Variants in MFAP3 observed in about 807,000 individuals in gnomAD.
MFAP3 encodes the protein microfibril associated protein 3.
Under a neutral mutation model 20.5 loss-of-function variants are expected in MFAP3, and 8 were observed. That is an observed-to-expected ratio of 0.39 (90% confidence interval 0.23 to 0.70). The LOEUF is 0.70. Ranked by LOEUF, MFAP3 falls within the 30% of genes least tolerant of loss-of-function variation. The pLI is 0.44. For synonymous variants in MFAP3, 140 were observed against 154.0 expected (o/e 0.91, Z 0.67); for missense variants, 398 against 444.6 (o/e 0.90, Z 0.94).
chr5:154,050,129 T>G (rs956381397), intron 2 of MFAP3, 112 bp downstream of exon 2: 3 of 1,215,702 alleles, frequency 2.5e-6, no homozygotes, highest in Admixed American at 5.2e-5. Context: ...GTGAATAGTT[T>G]AAAACATTTG....
At chr5:154,046,414 T>C (rs1475149628) in intron 1 of MFAP3, among the ~76,000 whole-genome samples, 1 of 152,208 alleles carries the variant, frequency 6.6e-6, no homozygotes, top group Non-Finnish European at 1.5e-5. Flanking sequence ...GAGCATGTGC[T>C]AGTTATGACG....
At chr5:154,041,218 A>C (rs1460580968) in intron 1 of MFAP3, among the ~76,000 whole-genome samples, 2 of 152,104 alleles carry the variant, frequency 1.3e-5, no homozygotes, top group Admixed American at 1.3e-4. Context: ...TATTATAGAG[A>C]GGGTACAGTT....
chr5:154,052,250 T>C (rs1474098815), intron 2 of MFAP3, among the ~76,000 whole-genome samples: 2 of 152,014 alleles, frequency 1.3e-5, no homozygotes, highest in Non-Finnish European at 2.9e-5. Flanking sequence ...ACTTGTGAGA[T>C]GTATTTTTTG....
Position 154,053,339 on chromosome 5 carries a change from G to A in MFAP3, c.715G>A (p.Val239Ile). ...ARYIEELARS[V>I]PLPPLILNCR... ...TTATATTGAAGAACTGGCAAGAAGTGTCCCTCTTCCACCTCTTATTCTAAA... is the reference window on the plus strand; with the variant it reads ...TTATATTGAAGAACTGGCAAGAAGTATCCCTCTTCCACCTCTTATTCTAAA... The change falls in exon 3 of 3, where the codon GTC becomes ATC. Residue 239 changes from valine (V) to isoleucine (I), a missense_variant. By Grantham distance (29) the Val-to-Ile change is conservative. Coordinates refer to ENST00000522782, the MANE Select transcript of MFAP3 (RefSeq NM_005927.5). 1 of 1,614,032 alleles carries A rather than the reference G, an allele frequency of 6.2e-7. No individual in the cohort carries two copies.
At position 154,057,095 on chromosome 5, in the gene MFAP3, G is replaced by A. The variant is rs553761251; in HGVS notation, c.*3382G>A. 2.0e-5 allele frequency among the ~76,000 whole-genome samples: 3 copies of A among 152,296 alleles called. No individual in the cohort carries two copies. In the East Asian group the frequency reaches 5.8e-4, roughly 29 times the overall value. On this transcript the variant is annotated 3_prime_UTR_variant, in exon 3 of 3. Coordinates refer to ENST00000522782, the MANE Select transcript of MFAP3 (RefSeq NM_005927.5). ...CTCTTGGGTCCCAGATGGCACAGGA[G>A]CACTGCATGCTTGTTTTCTAGAGCC...
intron 1 of MFAP3, among the ~76,000 whole-genome samples, chr5:154,043,583 TA>T (rs1243364962): frequency 6.6e-6 from 1 of 151,692 alleles, no homozygotes; most frequent in Non-Finnish European, 1.5e-5. Flanking sequence ...GGAAAGGTAA[TA>T]AAAAATTTTA....
At position 154,055,296 on chromosome 5, in the gene MFAP3, A is replaced by C. The variant is rs1773301786; in HGVS notation, c.*1583A>C. On this transcript the variant is annotated 3_prime_UTR_variant, in exon 3 of 3. Coordinates refer to ENST00000522782, the MANE Select transcript of MFAP3 (RefSeq NM_005927.5). The stretch of plus-strand genomic sequence containing the variant: ...GGGAAGACAGGAAATTCAAAGCGTG[A>C]CGGGATAAAACTCATGCCTCCCTTT... 6.6e-6 allele frequency among the ~76,000 whole-genome samples: 1 copy of C among 152,196 alleles called. No homozygotes were observed.
At chr5:154,049,180 C>T (rs1200304129) in intron 1 of MFAP3, among the ~76,000 whole-genome samples, 1 of 152,206 alleles carries the variant, frequency 6.6e-6, no homozygotes, top group East Asian at 1.9e-4. Flanking sequence ...TTTTAGCCTT[C>T]ATTGGCTCCC....
rs897464964 is a variant in MFAP3, at chr5:154,056,618, T to C, written c.*2905T>C. On this transcript the variant is annotated 3_prime_UTR_variant, in exon 3 of 3. Transcript: ENST00000522782. ...TTGTAAATTTTGTCGTGTATTGTGA[T>C]ATAGTGAACCTTATTGTCCTTATGA... Among the ~76,000 whole-genome samples, 2 of 152,228 alleles carry C rather than the reference T, an allele frequency of 1.3e-5. No individual in the cohort carries two copies. The highest frequency in any genetic ancestry group is 2.9e-5 in the Non-Finnish European group (2 of 68,042).
chr5:154,051,987 G>GTT (rs879469835), intron 2 of MFAP3: 5,570 of 152,192 alleles, frequency 0.037, 261 homozygotes, highest in African/African-American at 0.1. Flanking sequence ...CATAGTTAAA[G>GTT]CACAGAGTGC....
At chr5:154,051,381 T>A (rs1773189446) in intron 2 of MFAP3, among the ~76,000 whole-genome samples, 1 of 152,226 alleles carries the variant, frequency 6.6e-6, no homozygotes, top group Non-Finnish European at 1.5e-5. Context: ...TTGCCTTTAC[T>A]TTGAAAACCA....
Position 154,055,147 on chromosome 5 carries a change from C to G in MFAP3, c.*1434C>G, listed in dbSNP as rs1171599172. On this transcript the variant is annotated 3_prime_UTR_variant, in exon 3 of 3. Coordinates refer to ENST00000522782, the MANE Select transcript of MFAP3 (RefSeq NM_005927.5). Reference sequence around the variant, plus strand: ...ATTTTAAGAACTTGGCAGTGGAGCTCCATTTGGGGCTTCACGTTTCTTCAT... The same window carrying G: ...ATTTTAAGAACTTGGCAGTGGAGCTGCATTTGGGGCTTCACGTTTCTTCAT... 1 of 167,028 alleles carries G rather than the reference C, an allele frequency of 6.0e-6. No homozygotes were observed. Among genetic ancestry groups the G allele is most frequent in the Non-Finnish European group, 1.5e-5 (1 of 68,100 alleles). 10.3% of individuals were successfully genotyped at this position (167,028 alleles called of 1,614,324 possible). A position where few individuals can be genotyped will look rare whatever the true frequency, so the allele number is the denominator to read the frequency against.
chr5:154,049,731 A>G lies in MFAP3; in HGVS notation c.9A>G (p.Leu3=), dbSNP rs1447495564. Residue 3 remains leucine (L), a synonymous_variant, in exon 2 of 3, where the codon CTA becomes CTG. Coordinates refer to ENST00000522782, the MANE Select transcript of MFAP3 (RefSeq NM_005927.5). Reference sequence around the variant, plus strand: ...TTTTGTCCCATTTTCCCATGAAGCTACATTGTTGCTTATTCACTTTAGTGG... The same window carrying G: ...TTTTGTCCCATTTTCCCATGAAGCTGCATTGTTGCTTATTCACTTTAGTGG... MK[L]HCCLFTLVAS... The G allele has an allele frequency of 6.2e-7, 1 of 1,612,204 alleles. No individual in the cohort carries two copies. Among genetic ancestry groups the G allele is most frequent in the Admixed American group, 1.7e-5 (1 of 59,908 alleles).
chr5:154,040,542 T>C (rs1442437231), intron 1 of MFAP3, among the ~76,000 whole-genome samples: 2 of 152,230 alleles, frequency 1.3e-5, no homozygotes, highest in African/African-American at 4.8e-5. Context: ...TTTGAAACAG[T>C]GTCAGGGACA....
intron 1 of MFAP3, among the ~76,000 whole-genome samples, chr5:154,042,479 A>C (rs1397253082): frequency 6.6e-6 from 1 of 152,204 alleles, no homozygotes; most frequent in Non-Finnish European, 1.5e-5. Flanking sequence ...TATAAAGGCT[A>C]TTTTAATTAG....
At chr5:154,040,072 G>A (rs1772887958) in intron 1 of MFAP3, among the ~76,000 whole-genome samples, 1 of 152,160 alleles carries the variant, frequency 6.6e-6, no homozygotes, top group Admixed American at 6.5e-5. Context: ...CATAGAATTT[G>A]GGGCTAAAGT....
Position 154,055,455 on chromosome 5 carries a change from C to A in MFAP3, c.*1742C>A, listed in dbSNP as rs919063963. Among the ~76,000 whole-genome samples the A allele has an allele frequency of 1.3e-5, 2 of 152,098 alleles. No homozygotes were observed. Among genetic ancestry groups the A allele is most frequent in the African/African-American group, 2.4e-5 (1 of 41,406 alleles). Reference sequence around the variant, plus strand: ...TCTCTCAGGCTGTTTCCATGGAAACCTCTAGAGCCAAATAAAAGCTAACCA... The same window carrying A: ...TCTCTCAGGCTGTTTCCATGGAAACATCTAGAGCCAAATAAAAGCTAACCA... On this transcript the variant is annotated 3_prime_UTR_variant, in exon 3 of 3. Coordinates refer to ENST00000522782, the MANE Select transcript of MFAP3 (RefSeq NM_005927.5).
intron 1 of MFAP3, among the ~76,000 whole-genome samples, chr5:154,048,870 C>T (rs947609382): frequency 8.5e-5 from 13 of 152,092 alleles, no homozygotes; most frequent in African/African-American, 2.7e-4. Context: ...TTTGTCTCTT[C>T]GTATTGGAGA....
In MFAP3 at chr5:154,054,998, T is replaced by G. The variant is rs1773293716; in HGVS notation, c.*1285T>G. 6.0e-6 allele frequency: 1 copy of G among 166,990 alleles called. No homozygotes were observed. The highest frequency in any genetic ancestry group is 2.4e-5 in the African/African-American group (1 of 41,426). The allele number at this position is 166,990 out of a possible 1,614,324, so 10.3% of individuals were successfully genotyped here. On this transcript the variant is annotated 3_prime_UTR_variant, in exon 3 of 3. Coordinates refer to ENST00000522782, the MANE Select transcript of MFAP3 (RefSeq NM_005927.5). ...AAGAAAAATGATGGATGATGCCACCTGCTTCAACTGTATATAATAAACACT... is the reference window on the plus strand; with the variant it reads ...AAGAAAAATGATGGATGATGCCACCGGCTTCAACTGTATATAATAAACACT...
Sources: gnomAD v4.1 joint callset for allele counts (sites outside exome capture counted in the v4.1 genomes callset) on GRCh38, gnomAD v4.1.1 for gene constraint, MANE v1.5 for transcripts, NCBI Gene and HGNC (gene_info 2026-07-23, HGNC 2026-07-21) for gene names.